Variants in RAP1GAP2 observed in about 807,000 individuals in gnomAD.
RAP1GAP2 encodes the protein RAP1 GTPase activating protein 2, also known as rap1 GTPase-activating protein 2.
Under a neutral mutation model 95.0 loss-of-function variants are expected in RAP1GAP2, and 27 were observed. The ratio of observed to expected loss-of-function variants is 0.28; its 90% CI spans 0.21 to 0.39. The LOEUF is 0.39. Ranked by LOEUF, RAP1GAP2 falls within the 10% of genes least tolerant of loss-of-function variation. RAP1GAP2 has a pLI of 1.00. For missense variants in RAP1GAP2, 771 were observed against 970.0 expected (o/e 0.79, Z 2.72); for synonymous variants, 373 against 380.9 (o/e 0.98, Z 0.24).
At position 3,033,585 on chromosome 17, in the gene RAP1GAP2, G is replaced by C. The variant is rs540502704; in HGVS notation, c.*224G>C. ...TGCCCTCCCAGCCCCTCCCATCTCTGGACGAGGCCTCCTTCCTCAGGTTCC... is the reference window on the plus strand; with the variant it reads ...TGCCCTCCCAGCCCCTCCCATCTCTCGACGAGGCCTCCTTCCTCAGGTTCC... On this transcript the variant is annotated 3_prime_UTR_variant, in exon 25 of 25. Transcript: ENST00000254695. The surrounding 1 kb of genome is among the most constrained non-coding windows in gnomAD (Gnocchi z 4.9). 1 of 153,462 alleles carries C rather than the reference G, an allele frequency of 6.5e-6. No homozygotes were observed. Among genetic ancestry groups the C allele is most frequent in the South Asian group, 2.1e-4 (1 of 4,856 alleles). The allele number at this position is 153,462 out of a possible 1,614,324, so 9.5% of individuals were successfully genotyped here. A position where few individuals can be genotyped will look rare whatever the true frequency, so the allele number is the denominator to read the frequency against.
rs200317367 is a variant in RAP1GAP2, at chr17:2,770,094, AG to A, written c.51-234del. Among the ~76,000 whole-genome samples, 169 of 148,038 alleles carry A rather than the reference AG, an allele frequency of 1.1e-3. 4 individuals carry two copies. The highest frequency in any genetic ancestry group is 3.1e-3 in the African/African-American group (122 of 39,792). On this transcript the variant is annotated intron_variant, in intron 1 of 25. Coordinates refer to the RAP1GAP2 transcript ENST00000637138. The stretch of plus-strand genomic sequence containing the variant: ...TCTCAAAACAAAAAAAAAAAAAAAA[AG>A]AAGAAGAAAGGAAAGCTTTTCCATT...
intron 3 of RAP1GAP2, among the ~76,000 whole-genome samples, chr17:2,946,052 A>G (rs2151442239): frequency 6.6e-6 from 1 of 152,222 alleles, no homozygotes; most frequent in Non-Finnish European, 1.5e-5. Context: ...CAGCCTCCCA[A>G]AGTGCTGGGA....
At chr17:2,916,825 A>G (rs1335139222) in intron 3 of RAP1GAP2, among the ~76,000 whole-genome samples, 1 of 152,150 alleles carries the variant, frequency 6.6e-6, no homozygotes, top group Non-Finnish European at 1.5e-5. Context: ...TCTCTAGGGA[A>G]CCCAGAGTAG....
Position 2,906,989 on chromosome 17 carries a change from C to G in RAP1GAP2, c.165+1621C>G, listed in dbSNP as rs1451898753. Reference sequence around the variant, plus strand: ...ATCCGCAAGATCAGTCTCATTCTTTCTCTCTTCTGTGTTGGTTTCATTCTT... The same window carrying G: ...ATCCGCAAGATCAGTCTCATTCTTTGTCTCTTCTGTGTTGGTTTCATTCTT... On this transcript the variant is annotated intron_variant, in intron 3 of 24. Coordinates refer to ENST00000254695, the MANE Select transcript of RAP1GAP2 (RefSeq NM_015085.5). The surrounding 1 kb of genome is among the most constrained non-coding windows in gnomAD (Gnocchi z 4.3). 6.6e-6 allele frequency among the ~76,000 whole-genome samples: 1 copy of G among 152,162 alleles called. No homozygotes were observed. The highest frequency in any genetic ancestry group is 2.4e-5 in the African/African-American group (1 of 41,442).
intron 8 of RAP1GAP2, among the ~76,000 whole-genome samples, chr17:2,974,411 CAAAAT>C (rs2151518234): frequency 6.6e-6 from 1 of 150,868 alleles, no homozygotes; most frequent in South Asian, 2.1e-4. Context: ...AAGCCAAAGA[CAAAAT>C]AAAACTGCTT....
intron 2 of RAP1GAP2, among the ~76,000 whole-genome samples, chr17:2,836,725 A>G (rs560875134): frequency 6.6e-6 from 1 of 152,240 alleles, no homozygotes; most frequent in South Asian, 2.1e-4. Context: ...CGGACCATCT[A>G]TTTGTACCTA....
At chr17:3,031,780 G>A (rs2047314063) in intron 23 of RAP1GAP2, among the ~76,000 whole-genome samples, 1 of 145,848 alleles carries the variant, frequency 6.9e-6, no homozygotes, top group Non-Finnish European at 1.5e-5. Context: ...GAGAGCTCCA[G>A]GTCCAGATGT....
chr17:2,821,000 G>C (rs1567678305), intron 2 of RAP1GAP2, among the ~76,000 whole-genome samples: 1 of 150,958 alleles, frequency 6.6e-6, no homozygotes, highest in Non-Finnish European at 1.5e-5. Context: ...CTCCCAAAGT[G>C]CTGGGATTAC....
At chr17:2,891,377 C>T (rs1043403072) in intron 2 of RAP1GAP2, among the ~76,000 whole-genome samples, 1 of 151,854 alleles carries the variant, frequency 6.6e-6, no homozygotes, top group Admixed American at 6.6e-5. Context: ...CTGAGCTCAA[C>T]CAATCCTCCC....
At chr17:2,760,051 T>A (rs893724326) in intron 1 of RAP1GAP2, among the ~76,000 whole-genome samples, 1 of 151,962 alleles carries the variant, frequency 6.6e-6, no homozygotes, top group African/African-American at 2.4e-5. Flanking sequence ...TAACAAACTT[T>A]AAAATCTTGG....
chr17:2,969,029 A>G (rs2044735263), intron 8 of RAP1GAP2, among the ~76,000 whole-genome samples: 1 of 152,080 alleles, frequency 6.6e-6, no homozygotes. Flanking sequence ...GTACACATGT[A>G]TGTAATGATT....
chr17:2,968,528 T>C (rs747339492), intron 8 of RAP1GAP2, among the ~76,000 whole-genome samples: 9 of 152,154 alleles, frequency 5.9e-5, no homozygotes, highest in Non-Finnish European at 1.0e-4. Flanking sequence ...GGAAACTAAT[T>C]GCTGGATGTA....
At chr17:2,945,706 C>G (rs937716892) in intron 3 of RAP1GAP2, among the ~76,000 whole-genome samples, 1 of 151,376 alleles carries the variant, frequency 6.6e-6, no homozygotes. Flanking sequence ...TTGTCGTGCT[C>G]TTTCTGTATC....
Position 2,871,977 on chromosome 17 carries a change from G to A in RAP1GAP2, c.81-33307G>A, listed in dbSNP as rs981729778. Among the ~76,000 whole-genome samples the A allele has an allele frequency of 3.3e-5, 5 of 152,054 alleles. No homozygotes were observed. In the South Asian group the frequency reaches 6.3e-4, roughly 19 times the overall value. ...GGTGGCTCACGCCTGGAATCTCAGC[G>A]CTTTTGGAGGCTGAGGTGGGTGAAT... On this transcript the variant is annotated intron_variant, in intron 2 of 24. Coordinates refer to ENST00000254695, the MANE Select transcript of RAP1GAP2 (RefSeq NM_015085.5). This position sits in a 1 kb window ranked among gnomAD's most constrained non-coding sequence, Gnocchi z 5.0.
At chr17:2,776,852 GA>G (rs1375137686), upstream of RAP1GAP2, among the ~76,000 whole-genome samples, 20 of 147,892 alleles carry the variant, frequency 1.4e-4, no homozygotes, top group African/African-American at 4.6e-4. Flanking sequence ...GGAGGAGGAG[GA>G]GGAGGGGGCT....
At chr17:2,977,604 G>A (rs1323223423) in intron 8 of RAP1GAP2, among the ~76,000 whole-genome samples, 1 of 151,966 alleles carries the variant, frequency 6.6e-6, no homozygotes, top group Non-Finnish European at 1.5e-5. Context: ...AATTAGCTGG[G>A]CGTGGTGGCG....
At chr17:2,846,134 G>A (rs1313222007) in intron 2 of RAP1GAP2, among the ~76,000 whole-genome samples, 2 of 150,578 alleles carry the variant, frequency 1.3e-5, no homozygotes, top group African/African-American at 4.9e-5. Context: ...AGTGAGCCGA[G>A]ATTGCACCAC....
intron 2 of RAP1GAP2, among the ~76,000 whole-genome samples, chr17:2,839,775 T>C (rs1298495166): frequency 1.3e-5 from 2 of 152,172 alleles, no homozygotes; most frequent in Non-Finnish European, 2.9e-5. Flanking sequence ...TACCCAGGTA[T>C]AGACCAGGTA....
chr17:2,967,012 G>A (rs1165008508), intron 8 of RAP1GAP2, among the ~76,000 whole-genome samples: 1 of 152,090 alleles, frequency 6.6e-6, no homozygotes, highest in African/African-American at 2.4e-5. Context: ...GTAATCTATG[G>A]GGGCAGTTAG....
Sources: gnomAD v4.1 joint callset for allele counts (sites outside exome capture counted in the v4.1 genomes callset) on GRCh38, gnomAD v4.1.1 for gene constraint, Gnocchi (gnomAD v3.1) non-coding constraint, MANE v1.5 for transcripts, NCBI Gene and HGNC (gene_info 2026-07-23, HGNC 2026-07-21) for gene names.